The following CRPPA variants were observed in gnomAD, a reference collection of about 807,000 sequenced individuals.
CRPPA encodes D-ribitol-5-phosphate cytidylyltransferase.
CRPPA carries 43 observed loss-of-function variants against 52.0 expected under a neutral mutation model. The ratio of observed to expected loss-of-function variants is 0.83; its 90% CI spans 0.65 to 1.07. The LOEUF is 1.07. Among genes scored for constraint, CRPPA ranks in the 50% least tolerant of loss-of-function variants. CRPPA has a pLI of 0.00. For synonymous variants in CRPPA, 250 were observed against 203.5 expected (o/e 1.23, Z -1.94); for missense variants, 629 against 551.7 (o/e 1.14, Z -1.40).
Position 16,257,443 on chromosome 7 carries a change from G to T in CRPPA, c.1119+947C>A, listed in dbSNP as rs137866070. The stretch of plus-strand genomic sequence containing the variant: ...TCTATGAAGATCAATTACATAAGAA[G>T]CTTGGGTTTCAAAACCAGATGCAAC... On this transcript the variant is annotated intron_variant, in intron 8 of 9. Coordinates refer to ENST00000407010, the MANE Select transcript of CRPPA (RefSeq NM_001101426.4). 1.3e-3 allele frequency among the ~76,000 whole-genome samples: 200 copies of T among 152,138 alleles called. 1 individual carries two copies. Among genetic ancestry groups the T allele is most frequent in the African/African-American group, 4.7e-3 (195 of 41,516 alleles).
intron 9 of CRPPA, among the ~76,000 whole-genome samples, chr7:16,144,358 C>T (rs1177910510): frequency 3.9e-5 from 6 of 152,196 alleles, no homozygotes; most frequent in African/African-American, 7.2e-5. Context: ...CAGTCCAAGG[C>T]AGTCCTACCT....
chr7:16,221,025 C>T (rs1782484073), intron 8 of CRPPA, among the ~76,000 whole-genome samples: 1 of 152,074 alleles, frequency 6.6e-6, no homozygotes, highest in Non-Finnish European at 1.5e-5. Context: ...GGAGGCATCA[C>T]ACTACCTGAC....
intron 9 of CRPPA, among the ~76,000 whole-genome samples, chr7:16,136,557 T>C (rs1782765703): frequency 1.3e-5 from 2 of 152,208 alleles, no homozygotes; most frequent in South Asian, 2.1e-4. Flanking sequence ...TTCAAATACA[T>C]AGATCCTGAA....
rs886062165 is a variant in CRPPA at position 16,091,544 on chromosome 7, C to T, written c.*151G>A. ...TTATTTCACAGATATAAACATTAAT[C>T]TGCTTTATAATCTAAGCATCACATC... On this transcript the variant is annotated 3_prime_UTR_variant, in exon 10 of 10. Coordinates refer to ENST00000407010, the MANE Select transcript of CRPPA (RefSeq NM_001101426.4). 4.9e-5 allele frequency: 27 copies of T among 552,208 alleles called. No individual in the cohort carries two copies. The highest frequency in any genetic ancestry group is 6.0e-5 in the Non-Finnish European group (19 of 319,186). The allele number at this position is 552,208 out of a possible 1,614,324, so 34.2% of individuals were successfully genotyped here. A position where few individuals can be genotyped will look rare whatever the true frequency, so the allele number is the denominator to read the frequency against.
At chr7:16,197,208 A>T (rs1781758497) in intron 9 of CRPPA, among the ~76,000 whole-genome samples, 1 of 152,218 alleles carries the variant, frequency 6.6e-6, no homozygotes, top group African/African-American at 2.4e-5. Flanking sequence ...GACTAGGTTG[A>T]TAGGGACACA....
chr7:16,278,338 G>C, intron 5 of CRPPA, 112 bp from the exon 6 acceptor site: 1 of 625,226 alleles, frequency 1.6e-6, no homozygotes, highest in Non-Finnish European at 2.8e-6. Flanking sequence ...AGAATAGGGA[G>C]GTTTTGATTT....
chr7:16,418,499 G>T (rs1788247715), intron 1 of CRPPA, among the ~76,000 whole-genome samples: 1 of 152,154 alleles, frequency 6.6e-6, no homozygotes, highest in African/African-American at 2.4e-5. Flanking sequence ...AGGTTTAATT[G>T]ACTCACAGTT....
chr7:16,351,516 CA>C (rs1250564651), intron 3 of CRPPA, among the ~76,000 whole-genome samples: 1 of 151,748 alleles, frequency 6.6e-6, no homozygotes, highest in Admixed American at 6.6e-5. Context: ...ATCCATCTGA[CA>C]AAGGTCAAAT....
chr7:16,286,064 T>TAATATTAAA (rs1562608511), intron 5 of CRPPA, among the ~76,000 whole-genome samples: 1 of 29,770 alleles, frequency 3.4e-5, no homozygotes, highest in African/African-American at 2.1e-4. Flanking sequence ...TATATATATA[T>TAATATTAAA]ATATATATAT....
chr7:16,337,962 C>A (rs897925467), intron 3 of CRPPA, among the ~76,000 whole-genome samples: 3 of 152,034 alleles, frequency 2.0e-5, no homozygotes, highest in Non-Finnish European at 2.9e-5. Flanking sequence ...CTCCGCCCAC[C>A]CCAAACAGAG....
At chr7:16,278,252 AGTTTC>A in intron 5 of CRPPA, 26 bp from the exon 6 acceptor site, 2 of 1,214,238 alleles carry the variant, frequency 1.6e-6, no homozygotes, top group South Asian at 1.3e-5. Context: ...AAAAGTTTTA[AGTTTC>A]AAACAAAACA....
chr7:16,186,525 T>A (rs1781507784), intron 9 of CRPPA, among the ~76,000 whole-genome samples: 1 of 152,164 alleles, frequency 6.6e-6, no homozygotes, highest in African/African-American at 2.4e-5. Flanking sequence ...TCTATGGAAA[T>A]TTGTTATAGC....
intron 3 of CRPPA, among the ~76,000 whole-genome samples, chr7:16,336,829 G>T (rs138340159): frequency 6.6e-6 from 1 of 152,022 alleles, no homozygotes; most frequent in Admixed American, 6.6e-5. Context: ...AAAGAAAAGA[G>T]GGGTAGCAGG....
At chr7:16,222,211 G>A (rs1027942664) in intron 8 of CRPPA, among the ~76,000 whole-genome samples, 21 of 148,630 alleles carry the variant, frequency 1.4e-4, no homozygotes. Flanking sequence ...AAACCAAACC[G>A]CATATTCTCA....
chr7:16,396,365 T>C (rs1011503907), intron 2 of CRPPA, among the ~76,000 whole-genome samples: 16 of 151,984 alleles, frequency 1.1e-4, no homozygotes, highest in Non-Finnish European at 1.9e-4. Context: ...AACCACAATA[T>C]GGTAACACCT....
rs1477803960 is a variant in CRPPA, at chr7:16,421,373, G to C, written c.-51C>G. On this transcript the variant is annotated 5_prime_UTR_variant, in exon 1 of 10. Transcript: ENST00000407010. ...GCTAGCCTCGGGCCGATGCGACCCC[G>C]CGCTGCTCCCACCCTCGGCCGGGGT... 1.6e-6 allele frequency: 2 copies of C among 1,218,868 alleles called. No individual in the cohort carries two copies. The highest frequency in any genetic ancestry group is 3.1e-5 in the African/African-American group (2 of 63,710). The allele number at this position is 1,218,868 out of a possible 1,614,324, so 75.5% of individuals were successfully genotyped here.
chr7:16,391,075 T>C (rs1787430205), intron 2 of CRPPA, among the ~76,000 whole-genome samples: 1 of 152,170 alleles, frequency 6.6e-6, no homozygotes. Flanking sequence ...TTCTCTTGAA[T>C]TCTGGATTTG....
At chr7:16,097,315 A>G (rs551824712) in intron 9 of CRPPA, among the ~76,000 whole-genome samples, 2 of 152,288 alleles carry the variant, frequency 1.3e-5, no homozygotes, top group East Asian at 3.9e-4. Flanking sequence ...GAGTTTCATA[A>G]TAGCTGTGTT....
intron 2 of CRPPA, among the ~76,000 whole-genome samples, chr7:16,393,031 G>A (rs968086729): frequency 4.6e-5 from 7 of 152,036 alleles, no homozygotes; most frequent in African/African-American, 1.4e-4. Context: ...TCTTGTCAAG[G>A]ATCTTAAAGT....
Sources: allele counts gnomAD v4.1 joint callset (sites outside exome capture counted in the v4.1 genomes callset), GRCh38; gene constraint gnomAD v4.1.1; transcripts MANE v1.5; gene names NCBI Gene and HGNC (gene_info 2026-07-23, HGNC 2026-07-21).